Variants in HERPUD2 observed in about 807,000 individuals in gnomAD.
HERPUD2 encodes the protein HERPUD family member 2, also known as homocysteine-responsive endoplasmic reticulum-resident ubiquitin-like domain member 2 protein.
In HERPUD2, 13 loss-of-function variants were observed where a neutral mutation model predicts 49.9. That is an observed-to-expected ratio of 0.26 (90% confidence interval 0.17 to 0.41). The LOEUF (loss-of-function observed/expected upper bound fraction) is 0.41. Ranked by LOEUF, HERPUD2 falls within the 10% of genes least tolerant of loss-of-function variation. The pLI is 1.00. For synonymous variants in HERPUD2, 172 were observed against 171.4 expected, an observed-to-expected ratio of 1.00 and a Z score of -0.03; for missense variants, 449 against 492.2, an observed-to-expected ratio of 0.91 and a Z score of 0.83.
chr7:35,672,964 C>A (rs1785674323), intron 3 of HERPUD2, among the ~76,000 whole-genome samples: 1 of 152,110 alleles, frequency 6.6e-6, no homozygotes, highest in South Asian at 2.1e-4. Flanking sequence ...ATGACAAACA[C>A]CTGAACATGA....
At chr7:35,689,170 T>C (rs1351685815) in intron 2 of HERPUD2, among the ~76,000 whole-genome samples, 1 of 152,196 alleles carries the variant, frequency 6.6e-6, no homozygotes, top group East Asian at 1.9e-4. Context: ...TTCATAATAA[T>C]GTTATTATAT....
chr7:35,651,304 T>C (rs1318451201), intron 5 of HERPUD2, among the ~76,000 whole-genome samples: 2 of 152,040 alleles, frequency 1.3e-5, no homozygotes, highest in East Asian at 1.9e-4. Flanking sequence ...CATCTCACAC[T>C]GGTGCCAGCG....
intron 6 of HERPUD2, 85 bp from the exon 7 acceptor site, chr7:35,635,543 G>A (rs1784858054): frequency 8.8e-7 from 1 of 1,139,456 alleles, no homozygotes; most frequent in African/African-American, 1.6e-5. Flanking sequence ...GGAGCTATAT[G>A]TATTTTTCAT....
At chr7:35,673,067 T>C in intron 3 of HERPUD2, 134 bp downstream of exon 3, 3 of 599,452 alleles carry the variant, frequency 5.0e-6, no homozygotes, top group Non-Finnish European at 8.8e-6. Context: ...TTCTAATTTA[T>C]CTTTACTTGT....
At chr7:35,662,717 T>A (rs1277820511) in intron 5 of HERPUD2, among the ~76,000 whole-genome samples, 1 of 152,190 alleles carries the variant, frequency 6.6e-6, no homozygotes, top group Non-Finnish European at 1.5e-5. Flanking sequence ...AGTGGTGATA[T>A]CCCCTTTATC....
intron 6 of HERPUD2, among the ~76,000 whole-genome samples, chr7:35,637,027 C>G (rs1199850400): frequency 2.0e-5 from 3 of 151,836 alleles, no homozygotes; most frequent in Admixed American, 6.6e-5. Flanking sequence ...TCGGCTACTG[C>G]GAGGCTGAGG....
intron 5 of HERPUD2, among the ~76,000 whole-genome samples, chr7:35,641,007 A>T (rs1246072239): frequency 2.0e-5 from 3 of 152,184 alleles, no homozygotes; most frequent in Admixed American, 1.3e-4. Context: ...TTCCTAACTT[A>T]AGTAACAGAA....
intron 5 of HERPUD2, among the ~76,000 whole-genome samples, chr7:35,639,277 G>A (rs1020622855): frequency 5.9e-5 from 9 of 151,906 alleles, no homozygotes; most frequent in African/African-American, 1.9e-4. Context: ...CAGGTGATCC[G>A]CCCGCCTTGG....
intron 5 of HERPUD2, among the ~76,000 whole-genome samples, chr7:35,665,119 G>T (rs1785508983): frequency 6.6e-6 from 1 of 152,204 alleles, no homozygotes; most frequent in South Asian, 2.1e-4. Context: ...ACTCAGTGCT[G>T]GGAGAACCAC....
At chr7:35,645,782 G>A (rs1301212540) in intron 5 of HERPUD2, among the ~76,000 whole-genome samples, 2 of 152,158 alleles carry the variant, frequency 1.3e-5, no homozygotes, top group East Asian at 3.8e-4. Flanking sequence ...ATATACACAT[G>A]CACGCACATA....
At chr7:35,639,254 G>A (rs376066065) in intron 5 of HERPUD2, among the ~76,000 whole-genome samples, 2 of 151,978 alleles carry the variant, frequency 1.3e-5, no homozygotes, top group African/African-American at 2.4e-5. Flanking sequence ...GGCTGGTCTC[G>A]AACTCCTGAC....
chr7:35,682,349 GTGTGTGTGTATATATATATATATATA>G, intron 2 of HERPUD2, among the ~76,000 whole-genome samples: 1 of 41,804 alleles, frequency 2.4e-5, no homozygotes, highest in Non-Finnish European at 4.7e-5. Context: ...GTGTGTGTGT[GTGTGTGTGTATATATATATATATATA>G]TATATATATA....
At chr7:35,676,978 T>TA (rs1166375301) in intron 2 of HERPUD2, among the ~76,000 whole-genome samples, 2 of 152,212 alleles carry the variant, frequency 1.3e-5, no homozygotes, top group African/African-American at 4.8e-5. Flanking sequence ...ATAATTCTTG[T>TA]AACTGTGTCA....
At chr7:35,661,464 C>G (rs996420352) in intron 5 of HERPUD2, among the ~76,000 whole-genome samples, 3 of 152,150 alleles carry the variant, frequency 2.0e-5, no homozygotes, top group African/African-American at 7.2e-5. Flanking sequence ...TTACCTTGGG[C>G]AGTATGGCCA....
intron 5 of HERPUD2, among the ~76,000 whole-genome samples, chr7:35,652,304 G>C (rs1396463296): frequency 6.6e-6 from 1 of 151,840 alleles, no homozygotes; most frequent in Non-Finnish European, 1.5e-5. Flanking sequence ...ACTGTTGTCA[G>C]TAAATTCTTT....
intron 2 of HERPUD2, among the ~76,000 whole-genome samples, chr7:35,677,468 G>A (rs1785788211): frequency 1.3e-5 from 2 of 152,106 alleles, no homozygotes; most frequent in Non-Finnish European, 2.9e-5. Flanking sequence ...CTGCAATAAG[G>A]AGATCATTAA....
intron 5 of HERPUD2, among the ~76,000 whole-genome samples, chr7:35,657,645 CGA>C (rs1785306678): frequency 6.8e-6 from 1 of 146,214 alleles, no homozygotes; most frequent in Admixed American, 6.9e-5. Context: ...CGGTGGCTCA[CGA>C]GCCTGTAATC....
intron 6 of HERPUD2, among the ~76,000 whole-genome samples, chr7:35,637,410 T>G (rs182286912): frequency 6.6e-6 from 1 of 152,174 alleles, no homozygotes; most frequent in Admixed American, 6.5e-5. Context: ...AAGCTGTTTA[T>G]GGTTAAGAGC....
At chr7:35,635,514 AT>A (rs1467012609) in intron 6 of HERPUD2, 56 bp from the exon 7 acceptor site, 16 of 1,439,024 alleles carry the variant, frequency 1.1e-5, no homozygotes, top group African/African-American at 1.0e-4. Flanking sequence ...ACCATACCAT[AT>A]TTTTTTAAAC....
Sources: allele counts gnomAD v4.1 joint callset (sites outside exome capture counted in the v4.1 genomes callset), GRCh38; gene constraint gnomAD v4.1.1; transcripts MANE v1.5; gene names NCBI Gene and HGNC (gene_info 2026-07-23, HGNC 2026-07-21).